The following TEK variants were observed in gnomAD, a reference collection of about 807,000 sequenced individuals.
TEK encodes the protein angiopoietin-1 receptor.
TEK carries 43 observed loss-of-function variants against 131.8 expected under a neutral mutation model. That is an observed-to-expected ratio of 0.33 (90% CI 0.26 to 0.42). The LOEUF is 0.42. TEK is among the 10% of genes least tolerant of loss of function. The pLI, the probability that TEK is intolerant of heterozygous loss-of-function variation, is 1.00. For synonymous variants in TEK, 580 were observed against 491.6 expected, an observed-to-expected ratio of 1.18 and a Z score of -2.38; for missense variants, 1,162 against 1,384.4, an observed-to-expected ratio of 0.84 and a Z score of 2.55.
intron 9 of TEK, 117 bp downstream of exon 9, chr9:27,185,746 T>C: frequency 7.2e-7 from 1 of 1,391,522 alleles, no homozygotes; most frequent in East Asian, 2.5e-5. Flanking sequence ...ATTTCCAGGA[T>C]AGTAAGCCTT....
intron 19 of TEK, 29 bp from the exon 20 acceptor site, chr9:27,218,748 T>C: frequency 3.7e-6 from 6 of 1,613,808 alleles, no homozygotes; most frequent in Non-Finnish European, 5.1e-6. Flanking sequence ...GTTTGCTGAT[T>C]GTTGGTTTCA....
At chr9:27,133,086 C>T (rs1822285189) in intron 1 of TEK, among the ~76,000 whole-genome samples, 1 of 152,190 alleles carries the variant, frequency 6.6e-6, no homozygotes, top group Non-Finnish European at 1.5e-5. Context: ...TAATCCAGGT[C>T]TTCCGAAGCT....
At chr9:27,166,901 T>A (rs1313293380) in intron 2 of TEK, among the ~76,000 whole-genome samples, 1 of 152,190 alleles carries the variant, frequency 6.6e-6, no homozygotes, top group African/African-American at 2.4e-5. Context: ...TGGTCCTTTT[T>A]TTCTCATTTT....
At chr9:27,153,858 C>T (rs896653202) in intron 1 of TEK, among the ~76,000 whole-genome samples, 7 of 152,196 alleles carry the variant, frequency 4.6e-5, no homozygotes, top group African/African-American at 1.7e-4. Context: ...CAAGAAGCCA[C>T]GGACCACAGT....
At chr9:27,135,450 C>A (rs1210405766) in intron 1 of TEK, among the ~76,000 whole-genome samples, 2 of 152,002 alleles carry the variant, frequency 1.3e-5, no homozygotes, top group Admixed American at 1.3e-4. Flanking sequence ...TCATTAGTCT[C>A]AAAATTTTAG....
At chr9:27,163,372 G>T (rs1019382373) in intron 2 of TEK, among the ~76,000 whole-genome samples, 2 of 152,146 alleles carry the variant, frequency 1.3e-5, no homozygotes, top group Admixed American at 6.5e-5. Flanking sequence ...AAAATGCAGG[G>T]TATTTAGGGA....
chr9:27,224,740 T>C lies in TEK; in HGVS notation c.3201-3466T>C, dbSNP rs145224982. On this transcript the variant is annotated intron_variant, in intron 21 of 22. Transcript: ENST00000380036. ...CTCGCCCCTCCTGTTCAACGTAGGA[T>C]TGAAAGTTCTGGCCAGGGCAGTCAG... 2.1e-3 allele frequency among the ~76,000 whole-genome samples: 317 copies of C among 152,188 alleles called. 1 individual carries two copies. Among genetic ancestry groups the C allele is most frequent in the Non-Finnish European group, 3.4e-3 (230 of 68,024 alleles).
At chr9:27,148,380 A>G (rs1338522941) in intron 1 of TEK, among the ~76,000 whole-genome samples, 2 of 152,264 alleles carry the variant, frequency 1.3e-5, no homozygotes, top group Non-Finnish European at 2.9e-5. Context: ...GTAACAAGGC[A>G]TCCAAAACAT....
chr9:27,124,095 A>G (rs1475344675), intron 1 of TEK, among the ~76,000 whole-genome samples: 1 of 152,210 alleles, frequency 6.6e-6, no homozygotes, highest in East Asian at 1.9e-4. Context: ...ACTTTAAAAG[A>G]GCATGGAAGG....
chr9:27,160,908 A>T (rs482271), intron 2 of TEK, among the ~76,000 whole-genome samples: 8 of 152,014 alleles, frequency 5.3e-5, no homozygotes, highest in Middle Eastern at 3.4e-3. Context: ...TATTTTTCAC[A>T]TGTGTCATTT....
intron 1 of TEK, among the ~76,000 whole-genome samples, chr9:27,124,537 C>G (rs201349189): frequency 6.6e-6 from 1 of 152,250 alleles, no homozygotes; most frequent in East Asian, 1.9e-4. Flanking sequence ...AAGTGATGTG[C>G]CCAAAGTCAA....
chr9:27,117,210 C>A (rs1417203504), intron 1 of TEK, among the ~76,000 whole-genome samples: 1 of 152,258 alleles, frequency 6.6e-6, no homozygotes, highest in African/African-American at 2.4e-5. Flanking sequence ...AGCAGAGTAA[C>A]AGCCTCCGGG....
At chr9:27,175,437 A>G (rs1057091080) in intron 6 of TEK, among the ~76,000 whole-genome samples, 18 of 151,942 alleles carry the variant, frequency 1.2e-4, no homozygotes, top group Admixed American at 5.9e-4. Context: ...GAATAGTGCC[A>G]CAATAAACAT....
chr9:27,182,149 C>T (rs186827700), intron 7 of TEK, among the ~76,000 whole-genome samples: 58 of 152,196 alleles, frequency 3.8e-4, no homozygotes, highest in African/African-American at 1.4e-3. Flanking sequence ...GTGCTTTGTT[C>T]CTTCCCGTCT....
intron 1 of TEK, among the ~76,000 whole-genome samples, chr9:27,142,886 T>C (rs967127547): frequency 1.3e-5 from 2 of 152,206 alleles, no homozygotes; most frequent in African/African-American, 4.8e-5. Flanking sequence ...TTAAAAACAA[T>C]GCACGTTAAA....
At chr9:27,153,994 T>G (rs988254649) in intron 1 of TEK, among the ~76,000 whole-genome samples, 1 of 152,202 alleles carries the variant, frequency 6.6e-6, no homozygotes. Context: ...CATTTCCTAT[T>G]ATTAGTTCAA....
intron 9 of TEK, among the ~76,000 whole-genome samples, chr9:27,188,340 A>G (rs777787323): frequency 1.3e-5 from 2 of 152,198 alleles, no homozygotes; most frequent in Admixed American, 6.5e-5. Flanking sequence ...TTCACGCTTT[A>G]CAATATGTAT....
At chr9:27,126,800 G>A (rs970847888) in intron 1 of TEK, among the ~76,000 whole-genome samples, 1 of 152,100 alleles carries the variant, frequency 6.6e-6, no homozygotes, top group Non-Finnish European at 1.5e-5. Flanking sequence ...CCAGATTGGG[G>A]CCAGAGGATG....
intron 1 of TEK, among the ~76,000 whole-genome samples, chr9:27,155,806 G>C (rs918775283): frequency 1.4e-5 from 2 of 141,808 alleles, no homozygotes; most frequent in African/African-American, 5.3e-5. Context: ...TTCAGACTCG[G>C]GGGAGCACTT....
Sources: gnomAD v4.1 joint callset for allele counts (sites outside exome capture counted in the v4.1 genomes callset) on GRCh38, gnomAD v4.1.1 for gene constraint, MANE v1.5 for transcripts, NCBI Gene and HGNC (gene_info 2026-07-23, HGNC 2026-07-21) for gene names.